HIVEP2: variants seen among roughly 807,000 people sequenced by gnomAD.
HIVEP2 encodes transcription factor HIVEP2.
Under a neutral mutation model 180.7 loss-of-function variants are expected in HIVEP2, and 14 were observed. The observed-to-expected ratio is 0.08, with a 90% CI of 0.05 to 0.12. HIVEP2 has a LOEUF of 0.12. Ranked by LOEUF, HIVEP2 falls within the 10% of genes least tolerant of loss-of-function variation. The probability of loss-of-function intolerance (pLI) is 1.00; values close to 1 mark genes in which losing one functional copy is unlikely to be tolerated. For missense variants in HIVEP2, 2,579 were observed against 3,008.5 expected (o/e 0.86, Z 3.34); for synonymous variants, 1,184 against 1,136.4 (o/e 1.04, Z -0.84).
At chr6:142,812,267 A>G (rs183331780) in intron 2 of HIVEP2, among the ~76,000 whole-genome samples, 9 of 152,336 alleles carry the variant, frequency 5.9e-5, no homozygotes, top group Non-Finnish European at 1.3e-4. Flanking sequence ...GGGAAAAACC[A>G]CCTGAAAGTA....
chr6:142,930,524 T>C (rs1777920092), intron 1 of HIVEP2, among the ~76,000 whole-genome samples: 1 of 152,198 alleles, frequency 6.6e-6, no homozygotes. Flanking sequence ...CCCCTGTAAC[T>C]GAGACAGTCC....
chr6:142,857,958 A>AC (rs1775868865), intron 1 of HIVEP2, among the ~76,000 whole-genome samples: 1 of 152,082 alleles, frequency 6.6e-6, no homozygotes, highest in Admixed American at 6.5e-5. Context: ...GCTGTCCCCC[A>AC]CCATTGGCTT....
Position 142,774,973 on chromosome 6 carries a change from C to A in HIVEP2, c.-235G>T. The A allele has an allele frequency of 7.8e-7, 1 of 1,285,500 alleles. No individual in the cohort carries two copies. Among genetic ancestry groups the A allele is most frequent in the Non-Finnish European group, 9.8e-7 (1 of 1,017,862 alleles). 79.6% of individuals were successfully genotyped at this position (1,285,500 alleles called of 1,614,324 possible). Reference sequence around the variant, plus strand: ...ACAGTTCTCTCCATTGTAGAAACGTCCATCCAAAAGCTAAGTGCAAATCTA... The same window carrying A: ...ACAGTTCTCTCCATTGTAGAAACGTACATCCAAAAGCTAAGTGCAAATCTA... On this transcript the variant is annotated 5_prime_UTR_variant, in exon 5 of 10. Coordinates refer to ENST00000367603, the MANE Select transcript of HIVEP2 (RefSeq NM_006734.4). The surrounding 1 kb of genome is among the most constrained non-coding windows in gnomAD (Gnocchi z 5.1).
chr6:142,872,344 C>T (rs1562273516), intron 1 of HIVEP2, among the ~76,000 whole-genome samples: 1 of 152,126 alleles, frequency 6.6e-6, no homozygotes, highest in Non-Finnish European at 1.5e-5. Context: ...GAATCGCTTC[C>T]ATAAAGCAGC....
At chr6:142,884,126 A>G (rs1187593168) in intron 1 of HIVEP2, among the ~76,000 whole-genome samples, 3 of 152,222 alleles carry the variant, frequency 2.0e-5, no homozygotes, top group Non-Finnish European at 4.4e-5. Flanking sequence ...AACAGATAAA[A>G]GTTTTAAAAT....
chr6:142,818,319 C>A (rs560079291), intron 2 of HIVEP2, among the ~76,000 whole-genome samples: 2 of 152,124 alleles, frequency 1.3e-5, no homozygotes, highest in African/African-American at 4.8e-5. Context: ...TTACCTCTTA[C>A]GAAATATTTA....
intron 1 of HIVEP2, among the ~76,000 whole-genome samples, chr6:142,883,002 G>T (rs1297616811): frequency 6.6e-6 from 1 of 152,038 alleles, no homozygotes; most frequent in Non-Finnish European, 1.5e-5. Flanking sequence ...AGTAATAAAA[G>T]TGTCTCCATA....
At chr6:142,872,068 C>G (rs1776301645) in intron 1 of HIVEP2, among the ~76,000 whole-genome samples, 1 of 152,134 alleles carries the variant, frequency 6.6e-6, no homozygotes, top group Admixed American at 6.6e-5. Flanking sequence ...AGTGGTTTGA[C>G]TGAGTAGCTG....
chr6:142,803,785 C>T (rs1776475794), intron 2 of HIVEP2, among the ~76,000 whole-genome samples: 1 of 152,100 alleles, frequency 6.6e-6, no homozygotes. Context: ...ACAATTCACT[C>T]CCTGAGACAC....
At chr6:142,840,907 G>A (rs1192352736) in intron 1 of HIVEP2, among the ~76,000 whole-genome samples, 1 of 152,046 alleles carries the variant, frequency 6.6e-6, no homozygotes, top group African/African-American at 2.4e-5. Context: ...ACCATTGCAT[G>A]TAATTAAAAT....
chr6:142,895,259 T>C (rs975660827), intron 1 of HIVEP2, among the ~76,000 whole-genome samples: 1 of 152,216 alleles, frequency 6.6e-6, no homozygotes, highest in Non-Finnish European at 1.5e-5. Flanking sequence ...TAGCATCCAC[T>C]GAAATTTTGG....
chr6:142,780,852 G>C lies in HIVEP2; in HGVS notation c.-433+2669C>G, dbSNP rs57276241. ...TAGATAATGGCATTTGTCTTGTTTT[G>C]TTAGGTGACACTTTTACTAAGCAAC... On this transcript the variant is annotated intron_variant, in intron 3 of 9. Coordinates refer to ENST00000367603, the MANE Select transcript of HIVEP2 (RefSeq NM_006734.4). Among the ~76,000 whole-genome samples, 1,216 of 152,232 alleles carry C rather than the reference G, an allele frequency of 8.0e-3. 20 individuals carry two copies. The highest frequency in any genetic ancestry group is 0.028 in the African/African-American group (1,163 of 41,532).
intron 1 of HIVEP2, among the ~76,000 whole-genome samples, chr6:142,882,375 C>T (rs1776594206): frequency 3.3e-5 from 5 of 152,050 alleles, no homozygotes; most frequent in Admixed American, 3.3e-4. Context: ...TGCTGGGAGG[C>T]CAAGGTGAGA....
intron 1 of HIVEP2, among the ~76,000 whole-genome samples, chr6:142,868,770 T>C (rs1442077842): frequency 6.6e-6 from 1 of 152,230 alleles, no homozygotes; most frequent in East Asian, 1.9e-4. Context: ...TTATTTCAAA[T>C]GTGTGAAATT....
chr6:142,792,299 C>T (rs1180612708), intron 2 of HIVEP2, among the ~76,000 whole-genome samples: 1 of 152,008 alleles, frequency 6.6e-6, no homozygotes, highest in Non-Finnish European at 1.5e-5. Flanking sequence ...TGTTTTAAGG[C>T]AAGGAGACTT....
intron 1 of HIVEP2, among the ~76,000 whole-genome samples, chr6:142,845,334 G>A (rs975582327): frequency 1.4e-4 from 22 of 152,196 alleles, no homozygotes; most frequent in Non-Finnish European, 1.2e-4. Context: ...AGTTCTCTGA[G>A]GTGATTCTTA....
At chr6:142,944,833 G>A (rs1265015556) in intron 1 of HIVEP2, 1 of 152,236 alleles carries the variant, frequency 6.6e-6, no homozygotes, top group Non-Finnish European at 1.5e-5. Flanking sequence ...AGCCGGCAGC[G>A]GCCAGAGCCG....
At chr6:142,781,013 GA>G (rs1366056249) in intron 3 of HIVEP2, among the ~76,000 whole-genome samples, 1 of 152,046 alleles carries the variant, frequency 6.6e-6, no homozygotes, top group Non-Finnish European at 1.5e-5. Flanking sequence ...ATTAAGTCAG[GA>G]AAATACTTTC....
At chr6:142,755,775 T>G (rs1775049939) in intron 9 of HIVEP2, among the ~76,000 whole-genome samples, 4 of 152,204 alleles carry the variant, frequency 2.6e-5, no homozygotes. Context: ...AGTTTCAAAT[T>G]CAGCCCTTCA....
Sources: gnomAD v4.1 joint callset for allele counts (sites outside exome capture counted in the v4.1 genomes callset) on GRCh38, gnomAD v4.1.1 for gene constraint, Gnocchi (gnomAD v3.1) non-coding constraint, MANE v1.5 for transcripts, NCBI Gene and HGNC (gene_info 2026-07-23, HGNC 2026-07-21) for gene names.